The following PFKFB3 variants were observed in gnomAD, a reference collection of about 807,000 sequenced individuals.
PFKFB3 encodes the protein 6-phosphofructo-2-kinase/fructose-2,6-bisphosphatase 3.
PFKFB3 carries 33 observed loss-of-function variants against 68.0 expected under a neutral mutation model. That is an observed-to-expected ratio of 0.49 (90% CI 0.37 to 0.65). The LOEUF (loss-of-function observed/expected upper bound fraction) is 0.65. PFKFB3 is among the 30% of genes least tolerant of loss of function. PFKFB3 has a pLI of 0.00. For synonymous variants in PFKFB3, 315 were observed against 288.2 expected, an observed-to-expected ratio of 1.09 and a Z score of -0.94; for missense variants, 586 against 712.2, an observed-to-expected ratio of 0.82 and a Z score of 2.02.
chr10:6,264,029 G>A, the PFKFB3 span, among the ~76,000 whole-genome samples: 1 of 152,158 alleles, frequency 6.6e-6, no homozygotes, highest in Non-Finnish European at 1.5e-5. Context: ...CCTTTTAGCT[G>A]TACCTAAAAC....
intron 1 of PFKFB3, chr10:6,197,558 C>T (rs1340894848): frequency 3.9e-5 from 6 of 152,148 alleles, no homozygotes; most frequent in Non-Finnish European, 1.5e-5. Context: ...TTTTGCTTGA[C>T]CAATAAATTA....
At chr10:6,200,686 T>TGGGGG (rs1564613520), upstream of PFKFB3, among the ~76,000 whole-genome samples, 1 of 4,982 alleles carries the variant, frequency 2.0e-4, no homozygotes, top group Non-Finnish European at 5.2e-4. Flanking sequence ...CGGGGGGTGG[T>TGGGGG]GGTGGGGCGG....
chr10:6,185,829 A>G (rs1176627267), intron 1 of PFKFB3, among the ~76,000 whole-genome samples: 1 of 151,866 alleles, frequency 6.6e-6, no homozygotes, highest in African/African-American at 2.4e-5. Context: ...TAGTTGAGAC[A>G]GGGTTTCGCC....
At chr10:6,160,946 T>C (rs939755298) in intron 1 of PFKFB3, among the ~76,000 whole-genome samples, 4 of 152,114 alleles carry the variant, frequency 2.6e-5, no homozygotes, top group Non-Finnish European at 5.9e-5. Flanking sequence ...TATTTTTTTA[T>C]TTTTTTGAGA....
the PFKFB3 span, among the ~76,000 whole-genome samples, chr10:6,312,753 C>T: frequency 6.6e-6 from 1 of 152,124 alleles, no homozygotes; most frequent in Non-Finnish European, 1.5e-5. Context: ...GGAGACCGGC[C>T]GACTGCTCAC....
chr10:6,190,635 C>T (rs895704999), intron 1 of PFKFB3, among the ~76,000 whole-genome samples: 5 of 152,128 alleles, frequency 3.3e-5, no homozygotes, highest in African/African-American at 1.2e-4. Context: ...GACCCCATCC[C>T]TACAAAAAAA....
chr10:6,311,498 C>A, the PFKFB3 span, among the ~76,000 whole-genome samples: 1 of 152,034 alleles, frequency 6.6e-6, no homozygotes, highest in Non-Finnish European at 1.5e-5. Flanking sequence ...TCTCTGGGCC[C>A]AGCACTCTGG....
chr10:6,255,793 A>T (rs1375704560), downstream of PFKFB3, among the ~76,000 whole-genome samples: 1 of 152,142 alleles, frequency 6.6e-6, no homozygotes, highest in Non-Finnish European at 1.5e-5. Context: ...TACGAAGCTG[A>T]TGGAAAAGTA....
At chr10:6,147,376 G>C (rs542494561) in intron 1 of PFKFB3, among the ~76,000 whole-genome samples, 4 of 152,324 alleles carry the variant, frequency 2.6e-5, no homozygotes, top group South Asian at 4.1e-4. Context: ...CATCCTCTGC[G>C]GGCTGGAAGC....
At chr10:6,211,682 C>T (rs781186878) in intron 1 of PFKFB3, among the ~76,000 whole-genome samples, 12 of 152,304 alleles carry the variant, frequency 7.9e-5, no homozygotes, top group Admixed American at 2.0e-4. Context: ...TCAGGATGCC[C>T]GGCTCACCCT....
Position 6,202,983 on chromosome 10 carries a change from T to A in PFKFB3, c.-278T>A, listed in dbSNP as rs1248706245. On this transcript the variant is annotated 5_prime_UTR_variant, in exon 1 of 15. Coordinates refer to ENST00000379775, the MANE Select transcript of PFKFB3 (RefSeq NM_004566.4). ...CAGGGCCTGGTGGCGAGAGCGCGGC[T>A]GTCACTGCGCCCGAGCATCCCAGAG... 3 of 1,307,544 alleles carry A rather than the reference T, an allele frequency of 2.3e-6. No homozygotes were observed. The highest frequency in any genetic ancestry group is 2.9e-4 in the Middle Eastern group (1 of 3,472). 81.0% of individuals were successfully genotyped at this position (1,307,544 alleles called of 1,614,324 possible).
intron 14 of PFKFB3, among the ~76,000 whole-genome samples, chr10:6,240,798 C>T (rs1224879920): frequency 6.6e-6 from 1 of 152,106 alleles, no homozygotes; most frequent in African/African-American, 2.4e-5. Context: ...TCCAGGGTGT[C>T]ACCTTATCTC....
Position 6,171,301 on chromosome 10 carries a change from C to T in PFKFB3, c.16+26288C>T, listed in dbSNP as rs184694238. On this transcript the variant is annotated intron_variant, in intron 1 of 14. Transcript: ENST00000379789. Reference sequence around the variant, plus strand: ...AACTCCCGACCTCAGGTGATCCACCCGCCTCAGCCTCCCAAAGTGCTGGGA... The same window carrying T: ...AACTCCCGACCTCAGGTGATCCACCTGCCTCAGCCTCCCAAAGTGCTGGGA... 7.2e-3 allele frequency among the ~76,000 whole-genome samples: 1,090 copies of T among 152,232 alleles called. 6 individuals carry two copies. Among genetic ancestry groups the T allele is most frequent in the South Asian group, 0.018 (89 of 4,818 alleles).
chr10:6,228,502 G>T lies in PFKFB3; in HGVS notation c.1515+2137G>T, dbSNP rs3793721. Among the ~76,000 whole-genome samples, 85,003 of 151,804 alleles carry T rather than the reference G, an allele frequency of 0.56. 24,669 individuals are homozygous for T. Among genetic ancestry groups the T allele is most frequent in the East Asian group, 0.65 (3,348 of 5,132 alleles). ...CCCTCTCAGGGCTGCAGGTCGTGGT[G>T]TGTAATGGCCGTGGTTTAGGGCTCG... is the stretch of plus-strand genomic sequence containing the variant. On this transcript the variant is annotated intron_variant, in intron 14 of 14. Transcript: ENST00000379775. The surrounding 1 kb of genome is among the most constrained non-coding windows in gnomAD (Gnocchi z 4.5).
downstream of PFKFB3, among the ~76,000 whole-genome samples, chr10:6,238,189 G>C (rs936243709): frequency 1.3e-5 from 2 of 151,820 alleles, no homozygotes; most frequent in Non-Finnish European, 2.9e-5. Context: ...TTTTGAGACA[G>C]AGTTTGGCTC....
the PFKFB3 span, among the ~76,000 whole-genome samples, chr10:6,274,416 T>A: frequency 1.6e-4 from 25 of 152,194 alleles, no homozygotes; most frequent in Admixed American, 6.5e-5. Flanking sequence ...ACTCTTGAAA[T>A]ACTGATATCA....
intron 1 of PFKFB3, among the ~76,000 whole-genome samples, chr10:6,183,713 A>C (rs1168428076): frequency 1.0e-4 from 15 of 149,040 alleles, no homozygotes; most frequent in African/African-American, 3.4e-4. Flanking sequence ...TTTGAGACAG[A>C]GTCTCGCTCT....
At chr10:6,207,508 T>TCTCG (rs1347136095) in intron 1 of PFKFB3, among the ~76,000 whole-genome samples, 1 of 152,146 alleles carries the variant, frequency 6.6e-6, no homozygotes, top group East Asian at 1.9e-4. Flanking sequence ...CTCAGGCTGA[T>TCTCG]CTCGAACTCC....
intron 1 of PFKFB3, among the ~76,000 whole-genome samples, chr10:6,160,885 A>G (rs1322382268): frequency 5.3e-5 from 8 of 152,188 alleles, no homozygotes; most frequent in Admixed American, 5.2e-4. Flanking sequence ...TCACTTCTCC[A>G]GTCATCTCCC....
Sources: gnomAD v4.1 joint callset for allele counts (sites outside exome capture counted in the v4.1 genomes callset) on GRCh38, gnomAD v4.1.1 for gene constraint, Gnocchi (gnomAD v3.1) non-coding constraint, MANE v1.5 for transcripts, NCBI Gene and HGNC (gene_info 2026-07-23, HGNC 2026-07-21) for gene names.